SYNJ2: variants seen among roughly 807,000 people sequenced by gnomAD.
SYNJ2 encodes the protein synaptojanin 2.
Under a neutral mutation model 141.3 loss-of-function variants are expected in SYNJ2, and 116 were observed. That is an observed-to-expected ratio of 0.82 (90% confidence interval 0.71 to 0.96). The LOEUF is 0.96. SYNJ2 is among the 40% of genes least tolerant of loss of function. The pLI is 0.00. For missense variants in SYNJ2, 1,873 were observed against 1,934.8 expected, an observed-to-expected ratio of 0.97 and a Z score of 0.60; for synonymous variants, 745 against 777.7, an observed-to-expected ratio of 0.96 and a Z score of 0.70.
intron 12 of SYNJ2, chr6:158,067,537 G>T (rs115262101): frequency 2.0e-6 from 2 of 985,312 alleles, no homozygotes; most frequent in African/African-American, 1.7e-5. Context: ...TCCAGTCATC[G>T]TTGACTCGGG....
In SYNJ2 at chr6:158,089,926, T is replaced by G. The variant is rs754068813; in HGVS notation, c.3544T>G (p.Cys1182Gly). The G allele has an allele frequency of 6.2e-7, 1 of 1,614,060 alleles. No individual in the cohort carries two copies. The highest frequency in any genetic ancestry group is 8.5e-7 in the Non-Finnish European group (1 of 1,179,942). Residue 1182 changes from cysteine to glycine, a missense_variant, in exon 25 of 27, where the codon TGT becomes GGT. Transcript: ENST00000355585. ...NAQEAEAAIR[C>G]LLEARGGASE... is the part of the protein sequence containing the mutation. ...CCAGGAGGCAGAAGCAGCAATCCGG[T>G]GTCTCCTGGAAGCCAGAGGAGGTAG...
Position 158,070,534 on chromosome 6 carries a change from G to C in SYNJ2, c.1940+861G>C. 2 of 984,016 alleles carry C rather than the reference G, an allele frequency of 2.0e-6. No homozygotes were observed. The highest frequency in any genetic ancestry group is 2.4e-6 in the Non-Finnish European group (2 of 828,688). 61.0% of individuals were successfully genotyped at this position (984,016 alleles called of 1,614,324 possible). On this transcript the variant is annotated intron_variant, in intron 14 of 26. Transcript: ENST00000355585. This position sits in a 1 kb window ranked among gnomAD's most constrained non-coding sequence, Gnocchi z 4.0. ...TAGTAAAGGTTAAAGGCAAGGGCGG[G>C]GTGAGGGTGAGAGGTAAAGCATTTG...
In SYNJ2 at chr6:158,023,935, G is replaced by A. The variant is rs76047073; in HGVS notation, c.215-4821G>A. On this transcript the variant is annotated intron_variant, in intron 2 of 26. Coordinates refer to ENST00000355585, the MANE Select transcript of SYNJ2 (RefSeq NM_003898.4). ...TAACTCAGAAGGACTTTGAAGAATC[G>A]AGTGACATTTCTACAATGAAGCCCT... Among the ~76,000 whole-genome samples the A allele has an allele frequency of 1.8e-3, 272 of 152,264 alleles. 1 individual carries two copies. The highest frequency in any genetic ancestry group is 2.9e-3 in the Admixed American group (45 of 15,292).
chr6:158,036,453 G>T lies in SYNJ2; in HGVS notation c.711+2773G>T, dbSNP rs9459189. ...TGCAGTCATGAAAAGGAATGAGATC[G>T]TGTCCTTTCCAGCAACACGGATGCA... is the stretch of plus-strand genomic sequence containing the variant. On this transcript the variant is annotated intron_variant, in intron 4 of 26. Coordinates refer to ENST00000355585, the MANE Select transcript of SYNJ2 (RefSeq NM_003898.4). Among the ~76,000 whole-genome samples, 7 of 152,100 alleles carry T rather than the reference G, an allele frequency of 4.6e-5. No individual in the cohort carries two copies. The South Asian group carries it at 1.5e-3, about 32-fold the overall frequency.
intron 13 of SYNJ2, among the ~76,000 whole-genome samples, chr6:158,069,115 G>C (rs1031019959): frequency 1.3e-5 from 2 of 152,238 alleles, no homozygotes; most frequent in East Asian, 3.9e-4. Context: ...GAAAGTGTGA[G>C]TGCCGGGAAG....
chr6:158,000,064 C>CTTTTTTTTTTTTTTTTT (rs58284240), intron 1 of SYNJ2, among the ~76,000 whole-genome samples: 2 of 85,572 alleles, frequency 2.3e-5, no homozygotes, highest in South Asian at 3.4e-4. Context: ...AGCCAAAAGG[C>CTTTTTTTTTTTTTTTTT]TTTTTTTTTT....
intron 2 of SYNJ2, among the ~76,000 whole-genome samples, chr6:158,022,410 A>G (rs1364907314): frequency 1.3e-5 from 2 of 152,130 alleles, no homozygotes; most frequent in African/African-American, 4.8e-5. Context: ...CATGACTCCA[A>G]CAGCCAGCTT....
intron 5 of SYNJ2, 48 bp from the exon 6 acceptor site, chr6:158,054,919 G>T (rs1176161048): frequency 1.9e-6 from 3 of 1,601,214 alleles, no homozygotes; most frequent in African/African-American, 2.7e-5. Context: ...TGGCCTCCTT[G>T]GTTTGCAGAG....
intron 7 of SYNJ2, among the ~76,000 whole-genome samples, chr6:158,060,372 T>C (rs1427507751): frequency 6.6e-6 from 1 of 152,188 alleles, no homozygotes; most frequent in Non-Finnish European, 1.5e-5. Context: ...GCGCAAGACG[T>C]TCCAGAATGA....
chr6:158,020,436 G>A (rs930153061), intron 2 of SYNJ2, among the ~76,000 whole-genome samples: 5 of 150,362 alleles, frequency 3.3e-5, no homozygotes, highest in African/African-American at 1.2e-4. Flanking sequence ...CCAATTGTAT[G>A]ACTGACTCTA....
At chr6:157,986,378 A>AG (rs1196047483) in intron 1 of SYNJ2, among the ~76,000 whole-genome samples, 3 of 152,180 alleles carry the variant, frequency 2.0e-5, no homozygotes, top group Non-Finnish European at 2.9e-5. Flanking sequence ...CTCTTTGCCC[A>AG]GCTGGAGTAC....
intron 2 of SYNJ2, 122 bp downstream of exon 2, chr6:158,017,412 T>C: frequency 8.0e-7 from 1 of 1,249,882 alleles, no homozygotes; most frequent in Middle Eastern, 3.0e-4. Flanking sequence ...CTTCTTTTTT[T>C]TTTTTTTTTT....
In SYNJ2 at chr6:158,028,975, G is replaced by C; in HGVS notation, c.434G>C (p.Arg145Pro). The C allele has an allele frequency of 2.5e-6, 4 of 1,613,706 alleles. No individual in the cohort carries two copies. Among genetic ancestry groups the C allele is most frequent in the Middle Eastern group, 1.7e-4 (1 of 6,060 alleles). The change falls in exon 3 of 27, where the codon CGC (arginine) becomes CCC (proline). Residue 145 changes from arginine (R) to proline (P), a missense_variant. Transcript: ENST00000355585. ...NDGSRFDLTV[R>P]TQKQGDDSSE... ...GGGTCTCGCTTTGACCTGACTGTCCGCACGCAGAAGCAGGGGGATGACAGC... is the reference window on the plus strand; with the variant it reads ...GGGTCTCGCTTTGACCTGACTGTCCCCACGCAGAAGCAGGGGGATGACAGC...
rs944590621 is a variant in SYNJ2 at position 158,070,754 on chromosome 6, C to A, written c.1941-848C>A. Among the ~76,000 whole-genome samples, 5 of 152,314 alleles carry A rather than the reference C, an allele frequency of 3.3e-5. No individual in the cohort carries two copies. The highest frequency in any genetic ancestry group is 3.3e-4 in the Admixed American group (5 of 15,302). On this transcript the variant is annotated intron_variant, in intron 14 of 26. Transcript: ENST00000355585. The surrounding 1 kb of genome is among the most constrained non-coding windows in gnomAD (Gnocchi z 4.0). ...GTGGAAATGTTAACAAATGTGCTTGCAGCCCATGTTTCTATGGACTCGTAT... is the reference window on the plus strand; with the variant it reads ...GTGGAAATGTTAACAAATGTGCTTGAAGCCCATGTTTCTATGGACTCGTAT...
At chr6:158,066,170 T>C (rs1415596452) in intron 11 of SYNJ2, among the ~76,000 whole-genome samples, 1 of 152,222 alleles carries the variant, frequency 6.6e-6, no homozygotes, top group Non-Finnish European at 1.5e-5. Context: ...TATGGTCTGA[T>C]GTCCCATGGC....
chr6:158,095,751 A>G lies in SYNJ2; in HGVS notation c.3878A>G (p.Gln1293Arg), dbSNP rs1355966139. 4.3e-6 allele frequency: 7 copies of G among 1,614,014 alleles called. No individual in the cohort carries two copies. The African/African-American group carries it at 8.0e-5, about 18-fold the overall frequency. ...VPPVPKPRTF[Q>R]PGKAAERPSH... ...CCTGTTCCCAAACCAAGAACATTTC[A>G]GCCTGGGAAAGCTGCAGAGAGGCCA... Residue 1293 changes from glutamine to arginine, a missense_variant, in exon 27 of 27, where the codon CAG becomes CGG. By Grantham distance (43) the Gln-to-Arg change is conservative. Coordinates refer to ENST00000355585, the MANE Select transcript of SYNJ2 (RefSeq NM_003898.4).
intron 2 of SYNJ2, among the ~76,000 whole-genome samples, chr6:158,024,515 C>G (rs1778934698): frequency 6.6e-6 from 1 of 152,090 alleles, no homozygotes. Context: ...CACATTCAGC[C>G]AATAGCAGGT....
intron 6 of SYNJ2, 28 bp downstream of exon 6, chr6:158,055,056 C>T: frequency 6.2e-7 from 1 of 1,611,844 alleles, no homozygotes; most frequent in African/African-American, 1.3e-5. Context: ...CCATCCAAGC[C>T]TGTCATTGTC....
At chr6:158,009,481 G>A (rs1778186859) in intron 1 of SYNJ2, among the ~76,000 whole-genome samples, 3 of 152,236 alleles carry the variant, frequency 2.0e-5, no homozygotes. Flanking sequence ...ACGAAGATGT[G>A]TCCACAGAGC....
Sources: gnomAD v4.1 joint callset for allele counts (sites outside exome capture counted in the v4.1 genomes callset) on GRCh38, gnomAD v4.1.1 for gene constraint, Gnocchi (gnomAD v3.1) non-coding constraint, MANE v1.5 for transcripts, NCBI Gene and HGNC (gene_info 2026-07-23, HGNC 2026-07-21) for gene names.